The following DHX29 variants were observed in gnomAD, a reference collection of about 807,000 sequenced individuals.
The protein encoded by DHX29 is ATP-dependent RNA helicase DHX29.
A neutral mutation model predicts 167.9 loss-of-function variants in DHX29; 79 were observed. The ratio of observed to expected loss-of-function variants is 0.47; its 90% confidence interval spans 0.39 to 0.57. The LOEUF (loss-of-function observed/expected upper bound fraction) is 0.57, where lower values mean the gene tolerates loss of function less well. Among genes scored for constraint, DHX29 ranks in the 20% least tolerant of loss-of-function variants. The probability of loss-of-function intolerance (pLI) is 0.00; values close to 1 mark genes in which losing one functional copy is unlikely to be tolerated. For missense variants in DHX29, 1,347 were observed against 1,593.4 expected, an observed-to-expected ratio of 0.85 and a Z score of 2.63; for synonymous variants, 530 against 546.0, an observed-to-expected ratio of 0.97 and a Z score of 0.41.
intron 22 of DHX29, 42 bp downstream of exon 22, chr5:55,267,644 C>A: frequency 6.5e-7 from 1 of 1,542,600 alleles, no homozygotes; most frequent in South Asian, 1.3e-5. Context: ...TAAATAACCT[C>A]AGGTAATTGG....
At chr5:55,258,929 G>A (rs1746178120) in intron 26 of DHX29, among the ~76,000 whole-genome samples, 1 of 152,164 alleles carries the variant, frequency 6.6e-6, no homozygotes, top group Non-Finnish European at 1.5e-5. Flanking sequence ...GAAACACATG[G>A]TGGAAAAACC....
At chr5:55,261,303 T>C (rs958760165) in intron 25 of DHX29, 65 bp downstream of exon 25, 1 of 780,994 alleles carries the variant, frequency 1.3e-6, no homozygotes, top group Non-Finnish European at 2.0e-6. Context: ...ATTTAAAAAA[T>C]GTACCTCAAT....
intron 1 of DHX29, among the ~76,000 whole-genome samples, chr5:55,306,808 G>C (rs1004163710): frequency 6.6e-6 from 1 of 152,224 alleles, no homozygotes; most frequent in Non-Finnish European, 1.5e-5. Flanking sequence ...CCATCTATAA[G>C]TTGAGTTGTC....
chr5:55,299,617 C>G (rs936367724), intron 1 of DHX29, among the ~76,000 whole-genome samples: 18 of 152,178 alleles, frequency 1.2e-4, no homozygotes, highest in African/African-American at 4.3e-4. Flanking sequence ...CTGGTGGCAG[C>G]ATAACACCAG....
intron 1 of DHX29, among the ~76,000 whole-genome samples, chr5:55,303,710 G>A (rs574088723): frequency 1.3e-5 from 2 of 152,152 alleles, no homozygotes; most frequent in South Asian, 4.1e-4. Flanking sequence ...CCACCTTAGG[G>A]TTTTTAGGCT....
At chr5:55,282,409 A>G (rs961041948) in intron 11 of DHX29, among the ~76,000 whole-genome samples, 3 of 152,248 alleles carry the variant, frequency 2.0e-5, no homozygotes, top group East Asian at 3.9e-4. Context: ...TTATTTGTGT[A>G]TATGTCTGTC....
At chr5:55,272,309 T>C (rs1181739301) in intron 17 of DHX29, 134 bp from the exon 18 acceptor site, 1 of 613,146 alleles carries the variant, frequency 1.6e-6, no homozygotes, top group African/African-American at 2.0e-5. Context: ...ACAATCTATT[T>C]GCTATTACTG....
chr5:55,283,355 C>T lies in DHX29; in HGVS notation c.1813G>A (p.Val605Ile). The stretch of plus-strand genomic sequence containing the variant: ...AAATCTTCCAATAGAAAATGTGGTA[C>T]CTGAGTACTTTTACCACTCCCTGTT... ...GETGSGKSTQ[V>I]PHFLLEDLLL... Residue 605 changes from valine (V) to isoleucine (I), a missense_variant, in exon 11 of 27, where the codon GTA becomes ATA. By Grantham distance (29) the Val-to-Ile change is conservative (BLOSUM62 3). Around this residue, in one of 3 missense-constraint regions of DHX29, gnomAD observed 882 missense variants for 1,082.4 expected, o/e 0.81. Coordinates refer to ENST00000251636, the MANE Select transcript of DHX29 (RefSeq NM_019030.4). 1 of 1,614,172 alleles carries T rather than the reference C, an allele frequency of 6.2e-7. No individual in the cohort carries two copies. The highest frequency in any genetic ancestry group is 1.7e-5 in the Admixed American group (1 of 60,022).
At chr5:55,262,052 ATG>A (rs1746337444) in intron 24 of DHX29, among the ~76,000 whole-genome samples, 1 of 152,220 alleles carries the variant, frequency 6.6e-6, no homozygotes. Flanking sequence ...GCCTTAAAAA[ATG>A]TGTGAATGAG....
At chr5:55,285,013 C>T (rs1747643058) in intron 10 of DHX29, among the ~76,000 whole-genome samples, 1 of 152,168 alleles carries the variant, frequency 6.6e-6, no homozygotes, top group Non-Finnish European at 1.5e-5. Context: ...TAACAAGATG[C>T]TGTCTCAAAA....
intron 11 of DHX29, among the ~76,000 whole-genome samples, chr5:55,282,750 T>C (rs1747497712): frequency 6.6e-6 from 1 of 152,188 alleles, no homozygotes; most frequent in Non-Finnish European, 1.5e-5. Context: ...TCATTTTTTT[T>C]TTAAATATGG....
At chr5:55,295,314 T>G (rs1199194420) in intron 5 of DHX29, 65 bp downstream of exon 5, 6 of 1,247,544 alleles carry the variant, frequency 4.8e-6, no homozygotes, top group African/African-American at 4.5e-5. Context: ...ATTTATACTC[T>G]TTGAACTGTT....
At chr5:55,261,045 A>T (rs1474544027) in intron 25 of DHX29, among the ~76,000 whole-genome samples, 1 of 152,146 alleles carries the variant, frequency 6.6e-6, no homozygotes, top group Non-Finnish European at 1.5e-5. Flanking sequence ...GAGTGTCTCT[A>T]TGTAAAAGAA....
At chr5:55,259,406 T>C (rs754604853) in intron 26 of DHX29, among the ~76,000 whole-genome samples, 20 of 152,070 alleles carry the variant, frequency 1.3e-4, no homozygotes, top group Non-Finnish European at 2.9e-4. Context: ...TATACTCCAA[T>C]GTTACAAAAA....
At chr5:55,280,157 G>A (rs1334225008) in intron 12 of DHX29, among the ~76,000 whole-genome samples, 1 of 152,102 alleles carries the variant, frequency 6.6e-6, no homozygotes, top group Non-Finnish European at 1.5e-5. Flanking sequence ...TACTTAACAT[G>A]ACGATGAATT....
chr5:55,305,530 G>A (rs1435871579), intron 1 of DHX29, among the ~76,000 whole-genome samples: 1 of 152,198 alleles, frequency 6.6e-6, no homozygotes, highest in Non-Finnish European at 1.5e-5. Context: ...AATAGGAAGT[G>A]TTACGACCAA....
At chr5:55,257,321 A>G (rs1746100833) in intron 26 of DHX29, among the ~76,000 whole-genome samples, 2 of 152,214 alleles carry the variant, frequency 1.3e-5, no homozygotes. Flanking sequence ...AATAGTTGCA[A>G]TGGTTACAGT....
intron 1 of DHX29, among the ~76,000 whole-genome samples, chr5:55,304,361 G>A (rs985086388): frequency 1.3e-5 from 2 of 148,566 alleles, no homozygotes; most frequent in South Asian, 4.3e-4. Flanking sequence ...ACCCAGGCTG[G>A]AGTGCAGTGG....
rs897997771 is a variant in DHX29, at chr5:55,285,318, G to A, written c.1331C>T (p.Ala444Val). ...CTGCCCTTTAACTAAACGGTAAAGG[G>A]CTAAAGTAGCTCCCAGGTGCTGAGC... ...MQAQHLGATL[A>V]LYRLVKGQSV... Residue 444 changes from alanine to valine, a missense_variant, in exon 10 of 27, where the codon GCC becomes GTC. Ala to Val is a moderately conservative substitution (Grantham distance 64). Coordinates refer to ENST00000251636, the MANE Select transcript of DHX29 (RefSeq NM_019030.4). The A allele has an allele frequency of 1.2e-6, 2 of 1,613,952 alleles. No individual in the cohort carries two copies. The highest frequency in any genetic ancestry group is 8.5e-7 in the Non-Finnish European group (1 of 1,180,010).
Sources: gnomAD v4.1 joint callset for allele counts (sites outside exome capture counted in the v4.1 genomes callset) on GRCh38, gnomAD v4.1.1 for gene constraint, gnomAD v4.1.1 regional missense constraint, MANE v1.5 for transcripts, NCBI Gene and HGNC (gene_info 2026-07-23, HGNC 2026-07-21) for gene names.